The following SRPK2 variants were observed in gnomAD, a reference collection of about 807,000 sequenced individuals.
The protein encoded by SRPK2 is SFRS protein kinase 2.
In SRPK2, 21 loss-of-function variants were observed where a neutral mutation model predicts 90.8. The observed-to-expected ratio is 0.23, with a 90% CI of 0.16 to 0.33. The LOEUF is 0.33. SRPK2 is among the 10% of genes least tolerant of loss of function. SRPK2 has a pLI of 1.00. For synonymous variants in SRPK2, 288 were observed against 311.1 expected (o/e 0.93, Z 0.78); for missense variants, 620 against 869.0 (o/e 0.71, Z 3.60).
At chr7:105,226,378 C>T (rs1392866375) in intron 2 of SRPK2, among the ~76,000 whole-genome samples, 1 of 152,096 alleles carries the variant, frequency 6.6e-6, no homozygotes, top group African/African-American at 2.4e-5. Flanking sequence ...AAACCTCCAC[C>T]TCCAGGGTTC....
intron 3 of SRPK2, among the ~76,000 whole-genome samples, chr7:105,192,352 A>T (rs1162878237): frequency 2.0e-5 from 3 of 152,172 alleles, no homozygotes; most frequent in Non-Finnish European, 4.4e-5. Flanking sequence ...AGAATAATAG[A>T]GTCTCCAATC....
In SRPK2 at chr7:105,233,227, T is replaced by C. The variant is rs1427517462; in HGVS notation, c.72-29442A>G. Among the ~76,000 whole-genome samples the C allele has an allele frequency of 2.0e-5, 3 of 152,130 alleles. No individual in the cohort carries two copies. In the East Asian group the frequency reaches 5.8e-4, roughly 29 times the overall value. Reference sequence around the variant, plus strand: ...TTGATAGAAACTGAGTGGCTGTCTATAGTCACGCCACCCTGAAAACACCTA... The same window carrying C: ...TTGATAGAAACTGAGTGGCTGTCTACAGTCACGCCACCCTGAAAACACCTA... On this transcript the variant is annotated intron_variant, in intron 2 of 15. Transcript: ENST00000393651.
intron 2 of SRPK2, among the ~76,000 whole-genome samples, chr7:105,367,641 C>T (rs1220886526): frequency 1.3e-5 from 2 of 152,148 alleles, no homozygotes; most frequent in African/African-American, 2.4e-5. Context: ...AAAGTTATTA[C>T]AGCAGTATGG....
intron 15 of SRPK2, among the ~76,000 whole-genome samples, chr7:105,124,426 A>G (rs1336939932): frequency 6.6e-6 from 1 of 152,090 alleles, no homozygotes; most frequent in African/African-American, 2.4e-5. Context: ...GGATCACCTT[A>G]GGTCAGGAGT....
At chr7:105,359,304 G>A (rs1391356227) in intron 2 of SRPK2, among the ~76,000 whole-genome samples, 3 of 151,846 alleles carry the variant, frequency 2.0e-5, no homozygotes, top group African/African-American at 4.8e-5. Flanking sequence ...GATTGCAAGC[G>A]CATGCCACCA....
intron 2 of SRPK2, among the ~76,000 whole-genome samples, chr7:105,353,851 T>A (rs1239704074): frequency 6.6e-6 from 1 of 152,176 alleles, no homozygotes; most frequent in South Asian, 2.1e-4. Context: ...GAACTAGACA[T>A]GCAGAGAGCC....
At chr7:105,190,715 C>A in intron 3 of SRPK2, among the ~76,000 whole-genome samples, 1 of 152,250 alleles carries the variant, frequency 6.6e-6, no homozygotes, top group South Asian at 2.1e-4. Context: ...CCTTGGAAGG[C>A]TCCAAGGACA....
intron 2 of SRPK2, among the ~76,000 whole-genome samples, chr7:105,324,362 G>A (rs538618840): frequency 4.0e-5 from 6 of 150,752 alleles, no homozygotes; most frequent in Admixed American, 3.3e-4. Context: ...TCGCCCTGTC[G>A]CCCAGGCTGG....
intron 2 of SRPK2, among the ~76,000 whole-genome samples, chr7:105,370,618 T>TC (rs1162446238): frequency 2.8e-5 from 4 of 144,506 alleles, no homozygotes; most frequent in Admixed American, 6.9e-5. Flanking sequence ...TTTTCTTTCT[T>TC]TTTTTTTTTT....
Position 105,327,005 on chromosome 7 carries a change from T to G in SRPK2, c.71+61643A>C, listed in dbSNP as rs539705169. Reference sequence around the variant, plus strand: ...TTGAACCCAGGAGGTGGAGGCTGCATAAAGCTGAGATCGTGCCACTGCACT... The same window carrying G: ...TTGAACCCAGGAGGTGGAGGCTGCAGAAAGCTGAGATCGTGCCACTGCACT... On this transcript the variant is annotated intron_variant, in intron 2 of 15. Transcript: ENST00000393651. Among the ~76,000 whole-genome samples, 776 of 138,990 alleles carry G rather than the reference T, an allele frequency of 5.6e-3. 11 individuals are homozygous for G. The East Asian group carries it at 0.062, about 11-fold the overall frequency. The allele number at this position is 138,990 out of a possible 152,430, so 91.2% of individuals were successfully genotyped here. A position where few individuals can be genotyped will look rare whatever the true frequency, so the allele number is the denominator to read the frequency against.
chr7:105,334,402 T>TTA (rs1198232392), intron 2 of SRPK2, among the ~76,000 whole-genome samples: 1 of 152,062 alleles, frequency 6.6e-6, no homozygotes, highest in Non-Finnish European at 1.5e-5. Flanking sequence ...TTTTGTATTT[T>TTA]TAGTAGAGTC....
intron 3 of SRPK2, among the ~76,000 whole-genome samples, chr7:105,183,698 C>T (rs967117857): frequency 5.9e-5 from 9 of 151,838 alleles, no homozygotes; most frequent in Non-Finnish European, 1.0e-4. Context: ...CCATGTTAGT[C>T]AGGCTGGTCT....
chr7:105,264,935 A>G (rs957333220), intron 2 of SRPK2, among the ~76,000 whole-genome samples: 1 of 152,152 alleles, frequency 6.6e-6, no homozygotes, highest in African/African-American at 2.4e-5. Flanking sequence ...TCTGGGCTCA[A>G]CTTTCTTTAC....
intron 3 of SRPK2, among the ~76,000 whole-genome samples, chr7:105,174,743 A>G (rs1662159250): frequency 6.6e-6 from 1 of 152,192 alleles, no homozygotes. Context: ...TGACCTAATT[A>G]CCATTTATAG....
chr7:105,319,658 A>G (rs542115669), intron 2 of SRPK2, among the ~76,000 whole-genome samples: 1 of 152,236 alleles, frequency 6.6e-6, no homozygotes, highest in South Asian at 2.1e-4. Flanking sequence ...CCATAAGCTA[A>G]CAGGTAGACA....
chr7:105,292,022 G>A (rs1809098247), intron 2 of SRPK2, among the ~76,000 whole-genome samples: 1 of 152,130 alleles, frequency 6.6e-6, no homozygotes, highest in Non-Finnish European at 1.5e-5. Context: ...TGATGGCCTA[G>A]TCACCTCCTA....
At chr7:105,376,355 A>C (rs1262356831) in intron 2 of SRPK2, among the ~76,000 whole-genome samples, 1 of 151,148 alleles carries the variant, frequency 6.6e-6, no homozygotes, top group East Asian at 2.0e-4. Context: ...GGCATTCTTC[A>C]TCTCAGAGCA....
chr7:105,198,068 G>A (rs1207942472), intron 3 of SRPK2, among the ~76,000 whole-genome samples: 1 of 152,232 alleles, frequency 6.6e-6, no homozygotes, highest in African/African-American at 2.4e-5. Context: ...TGCACGTATA[G>A]TATGAAGGGT....
rs1345412527 is a variant in SRPK2 at position 105,153,710 on chromosome 7, G to A, written c.621+6797C>T. ...CCCACACCTGAACAAAGGACACAGA[G>A]CAGGGAGACTCTGTCTCCTCCTACT... On this transcript the variant is annotated intron_variant, in intron 7 of 15. Coordinates refer to ENST00000393651, the MANE Select transcript of SRPK2 (RefSeq NM_182692.3). Among the ~76,000 whole-genome samples the A allele has an allele frequency of 5.3e-5, 8 of 152,182 alleles. 1 individual carries two copies. The highest frequency in any genetic ancestry group is 1.2e-4 in the Non-Finnish European group (8 of 68,044).
Sources: allele counts gnomAD v4.1 joint callset (sites outside exome capture counted in the v4.1 genomes callset), GRCh38; gene constraint gnomAD v4.1.1; transcripts MANE v1.5; gene names NCBI Gene and HGNC (gene_info 2026-07-23, HGNC 2026-07-21).